Variants in PUS10 observed in about 807,000 individuals in gnomAD.
PUS10 encodes the protein pseudouridine synthase 10.
In PUS10, 59 loss-of-function variants were observed where a neutral mutation model predicts 75.0. The observed-to-expected ratio is 0.79, with a 90% CI of 0.64 to 0.98. PUS10 has a LOEUF of 0.98. PUS10 is among the 50% of genes least tolerant of loss of function. The pLI, the probability that PUS10 is intolerant of heterozygous loss-of-function variation, is 0.00. For synonymous variants in PUS10, 219 were observed against 211.6 expected (o/e 1.03, Z -0.30); for missense variants, 650 against 614.4 (o/e 1.06, Z -0.61).
At position 60,971,675 on chromosome 2, in the gene PUS10, G is replaced by A. The variant is rs929034450; in HGVS notation, c.469-118C>T. ...TTTGCTAATCAAACTCCCCTTTTTA[G>A]GTGACGAGTTAGTATTCAAAAATTT... On this transcript the variant is annotated intron_variant, in intron 4 of 17. Transcript: ENST00000316752. 1.0e-5 allele frequency: 9 copies of A among 899,250 alleles called. No homozygotes were observed. The Admixed American group carries it at 1.6e-4, about 16-fold the overall frequency. 55.7% of individuals were successfully genotyped at this position (899,250 alleles called of 1,614,324 possible).
Position 60,942,295 on chromosome 2 carries a change from G to T in PUS10, c.*100C>A. 2 of 919,630 alleles carry T rather than the reference G, an allele frequency of 2.2e-6. No homozygotes were observed. The highest frequency in any genetic ancestry group is 3.6e-6 in the Non-Finnish European group (2 of 551,324). The allele number at this position is 919,630 out of a possible 1,614,324, so 57.0% of individuals were successfully genotyped here. On this transcript the variant is annotated 3_prime_UTR_variant, in exon 18 of 18. Coordinates refer to ENST00000316752, the MANE Select transcript of PUS10 (RefSeq NM_144709.4). ...TCAACATGATCCAAATAGTTTTCAAGACACCGTTATGGTGGGTAAACAGCC... is the reference window on the plus strand; with the variant it reads ...TCAACATGATCCAAATAGTTTTCAATACACCGTTATGGTGGGTAAACAGCC...
At chr2:60,963,021 A>T (rs1676125651) in intron 8 of PUS10, 131 bp from the exon 9 acceptor site, 2 of 1,378,640 alleles carry the variant, frequency 1.5e-6, no homozygotes, top group Non-Finnish European at 1.9e-6. Context: ...AACATGGAGA[A>T]ATACTTAAGC....
chr2:60,945,206 A>C, intron 16 of PUS10, 98 bp from the exon 17 acceptor site: 1 of 774,450 alleles, frequency 1.3e-6, no homozygotes, highest in South Asian at 1.6e-5. Context: ...GAAATGTTAC[A>C]AAAGAAAGGT....
chr2:61,008,779 C>G lies in PUS10; in HGVS notation c.363G>C (p.Glu121Asp), dbSNP rs1203319308. The G allele has an allele frequency of 1.3e-6, 2 of 1,582,516 alleles. No homozygotes were observed. The highest frequency in any genetic ancestry group is 1.7e-6 in the Non-Finnish European group (2 of 1,163,388). The change falls in exon 3 of 18, where the codon GAG (glutamate) becomes GAC (aspartate). Residue 121 changes from glutamate to aspartate, a missense_variant. Physicochemically the swap from Glu to Asp is conservative, Grantham distance 45 (BLOSUM62 2). Transcript: ENST00000316752. ...TATTTACCTTTTTAATGAAATCTTT[C>G]TCACAGAATTCTTGAAGAATTCCTA... ...VCLGILQEFC[E>D]KDFIKKVCQK...
At position 60,941,276 on chromosome 2, in the gene PUS10, G is replaced by A. The variant is rs1317282490; in HGVS notation, c.*1119C>T. 1 of 152,056 alleles carries A rather than the reference G, an allele frequency of 6.6e-6. No individual in the cohort carries two copies. Among genetic ancestry groups the A allele is most frequent in the Non-Finnish European group, 1.5e-5 (1 of 67,954 alleles). 9.4% of individuals were successfully genotyped at this position (152,056 alleles called of 1,614,324 possible). On this transcript the variant is annotated 3_prime_UTR_variant, in exon 18 of 18. Transcript: ENST00000316752. Reference sequence around the variant, plus strand: ...ATAAGATTGTATTAAATAGTCTTGGGCTATTTTTTGGTAAGCTCTTTGATT... The same window carrying A: ...ATAAGATTGTATTAAATAGTCTTGGACTATTTTTTGGTAAGCTCTTTGATT...
chr2:61,012,508 A>G (rs1679669743), intron 1 of PUS10, among the ~76,000 whole-genome samples: 1 of 151,588 alleles, frequency 6.6e-6, no homozygotes, highest in South Asian at 2.1e-4. Context: ...CCTTTCCCCA[A>G]AGCCAGCCAT....
chr2:60,965,239 A>G, intron 7 of PUS10, 136 bp from the exon 8 acceptor site: 1 of 1,006,256 alleles, frequency 9.9e-7, no homozygotes, highest in Non-Finnish European at 1.5e-6. Context: ...TGTATGAGCT[A>G]TATCGGTTTG....
intron 5 of PUS10, among the ~76,000 whole-genome samples, chr2:60,967,837 A>G (rs986894067): frequency 6.6e-6 from 1 of 152,152 alleles, no homozygotes; most frequent in African/African-American, 2.4e-5. Context: ...TTAATGGCAT[A>G]TAACACAATT....
chr2:61,017,780 T>A (rs540616694), intron 1 of PUS10: 1 of 1,549,454 alleles, frequency 6.5e-7, no homozygotes. Flanking sequence ...AGCCGCCACC[T>A]CCCCCCAAAC....
intron 4 of PUS10, among the ~76,000 whole-genome samples, chr2:60,986,987 AC>A (rs1677763894): frequency 6.6e-6 from 1 of 152,258 alleles, no homozygotes; most frequent in South Asian, 2.1e-4. Flanking sequence ...TTTTTATAAT[AC>A]AGGTCTTCTG....
Position 60,948,108 on chromosome 2 carries a change from G to A in PUS10, c.1386C>T (p.His462=). The A allele has an allele frequency of 6.2e-7, 1 of 1,614,154 alleles. No homozygotes were observed. ...CATCCACGTACTGTGTCTCCATGAA[G>A]TGAATGACGCGAGCTCGCACAGCCA... ...RPLAVRARVI[H]FMETQYVDEH... is the part of the protein sequence containing the mutation. Residue 462 remains histidine, a synonymous_variant, in exon 16 of 18, where the codon CAC becomes CAT. Coordinates refer to ENST00000316752, the MANE Select transcript of PUS10 (RefSeq NM_144709.4).
intron 4 of PUS10, among the ~76,000 whole-genome samples, chr2:61,005,954 A>G (rs1573513218): frequency 6.6e-6 from 1 of 152,222 alleles, no homozygotes; most frequent in East Asian, 1.9e-4. Context: ...GTAATTTGAG[A>G]TTACAGAAGT....
intron 2 of PUS10, chr2:61,010,120 G>A (rs1679502314): frequency 6.6e-6 from 1 of 152,086 alleles, no homozygotes; most frequent in Admixed American, 6.6e-5. Flanking sequence ...AACGAAAGTT[G>A]ATAACACTCA....
intron 5 of PUS10, among the ~76,000 whole-genome samples, chr2:60,971,025 C>T (rs1676628642): frequency 6.6e-6 from 1 of 151,690 alleles, no homozygotes; most frequent in South Asian, 2.1e-4. Context: ...ACTAAAAATA[C>T]AAAAATTAGC....
intron 4 of PUS10, among the ~76,000 whole-genome samples, chr2:60,981,886 A>C (rs1049397281): frequency 5.3e-5 from 8 of 152,106 alleles, no homozygotes. Context: ...AATACTTTTG[A>C]CCTCGTGAAC....
At chr2:60,986,917 A>T (rs1414907166) in intron 4 of PUS10, among the ~76,000 whole-genome samples, 2 of 152,242 alleles carry the variant, frequency 1.3e-5, no homozygotes, top group Non-Finnish European at 2.9e-5. Flanking sequence ...ACAGGAAAAA[A>T]GAGGTTTCTT....
At position 60,940,747 on chromosome 2, in the gene PUS10, T is replaced by C. The variant is rs2104026258; in HGVS notation, c.*1648A>G. 1 of 152,454 alleles carries C rather than the reference T, an allele frequency of 6.6e-6. No homozygotes were observed. Among genetic ancestry groups the C allele is most frequent in the Non-Finnish European group, 1.5e-5 (1 of 68,012 alleles). The allele number at this position is 152,454 out of a possible 1,614,324, so 9.4% of individuals were successfully genotyped here. On this transcript the variant is annotated 3_prime_UTR_variant, in exon 18 of 18. Transcript: ENST00000316752. Reference sequence around the variant, plus strand: ...GCCTCCTAAATTATTTAAATCTCTTTTGTAGCAAAATTTTCCCAGAAACTG... The same window carrying C: ...GCCTCCTAAATTATTTAAATCTCTTCTGTAGCAAAATTTTCCCAGAAACTG...
chr2:61,012,868 AT>A (rs1483531945), intron 1 of PUS10, among the ~76,000 whole-genome samples: 17 of 36,386 alleles, frequency 4.7e-4, no homozygotes, highest in East Asian at 3.2e-3. Context: ...AAAAAAAAAA[AT>A]ATATATATAT....
At position 60,955,942 on chromosome 2, in the gene PUS10, G is replaced by C. The variant is rs369273251; in HGVS notation, c.1001-868C>G. On this transcript the variant is annotated intron_variant, in intron 11 of 17. Coordinates refer to ENST00000316752, the MANE Select transcript of PUS10 (RefSeq NM_144709.4). ...TAAACACCATGAAAGGAAAAGGAGG[G>C]AAAAAAAGGTTTGACTCTAAGAAGC... Among the ~76,000 whole-genome samples the C allele has an allele frequency of 3.4e-4, 51 of 151,724 alleles. No individual in the cohort carries two copies. In the East Asian group the frequency reaches 7.3e-3, roughly 22 times the overall value.
Sources: gnomAD v4.1 joint callset for allele counts (sites outside exome capture counted in the v4.1 genomes callset) on GRCh38, gnomAD v4.1.1 for gene constraint, MANE v1.5 for transcripts, NCBI Gene and HGNC (gene_info 2026-07-23, HGNC 2026-07-21) for gene names.